The following C14orf39 variants were observed in gnomAD, a reference collection of about 807,000 sequenced individuals.
C14orf39 encodes the protein protein SIX6OS1.
In C14orf39, 66 loss-of-function variants were observed where a neutral mutation model predicts 85.6. That is an observed-to-expected ratio of 0.77 (90% confidence interval 0.63 to 0.95). C14orf39 has a LOEUF of 0.95. Among genes scored for constraint, C14orf39 ranks in the 40% least tolerant of loss-of-function variants. C14orf39 has a pLI of 0.00. For synonymous variants in C14orf39, 242 were observed against 214.0 expected (o/e 1.13, Z -1.14); for missense variants, 735 against 663.9 (o/e 1.11, Z -1.18).
At chr14:60,470,592 T>C (rs1373673777) in intron 7 of C14orf39, among the ~76,000 whole-genome samples, 1 of 151,930 alleles carries the variant, frequency 6.6e-6, no homozygotes, top group Non-Finnish European at 1.5e-5. Context: ...ACCCTTGCTA[T>C]ACCAGCGTCT....
At chr14:60,495,030 CT>C in intron 2 of C14orf39, 1 of 187,988 alleles carries the variant, frequency 5.3e-6, no homozygotes, top group Non-Finnish European at 1.1e-5. Context: ...TGGTAAATTT[CT>C]TTTGACTGAT....
At chr14:60,506,621 T>C (rs1893207370) in intron 1 of C14orf39, among the ~76,000 whole-genome samples, 1 of 152,142 alleles carries the variant, frequency 6.6e-6, no homozygotes, top group African/African-American at 2.4e-5. Flanking sequence ...GTTAATAAAA[T>C]TAAATCAAGT....
chr14:60,476,768 A>G (rs1056103866), intron 5 of C14orf39, among the ~76,000 whole-genome samples: 2 of 152,186 alleles, frequency 1.3e-5, no homozygotes, highest in African/African-American at 4.8e-5. Flanking sequence ...GGGGGAGGTC[A>G]CTGAAGCACA....
chr14:60,442,041 G>A, intron 17 of C14orf39, 33 bp downstream of exon 17: 2 of 1,519,532 alleles, frequency 1.3e-6, no homozygotes, highest in Non-Finnish European at 1.8e-6. Context: ...GAGTTAACAT[G>A]TTTTTAAAGG....
At chr14:60,476,097 A>G (rs1321144699) in intron 5 of C14orf39, among the ~76,000 whole-genome samples, 1 of 152,204 alleles carries the variant, frequency 6.6e-6, no homozygotes, top group Non-Finnish European at 1.5e-5. Flanking sequence ...TTTAGCAAGG[A>G]AAAGCAGTTG....
At chr14:60,512,488 GT>G (rs1893309747) in intron 1 of C14orf39, 1 of 152,178 alleles carries the variant, frequency 6.6e-6, no homozygotes, top group African/African-American at 2.4e-5. Context: ...CAAATGAATG[GT>G]TTTTAACAAG....
intron 1 of C14orf39, among the ~76,000 whole-genome samples, chr14:60,505,817 C>T (rs1005960039): frequency 1.3e-5 from 2 of 152,200 alleles, no homozygotes; most frequent in Non-Finnish European, 2.9e-5. Flanking sequence ...GACTTCTAAG[C>T]ACTGCTCTCC....
At position 60,483,791 on chromosome 14, in the gene C14orf39, T is replaced by C. The variant is rs148637760; in HGVS notation, c.133A>G (p.Lys45Glu). ...NKCCEDIKEN[K>E]VTICRIHETI... is the part of the protein sequence containing the mutation. ...TCGTGTATCCTACAAATAGTTACTT[T>C]GTTTTCCTTAATATCTTCACAGCAT... is the stretch of plus-strand genomic sequence containing the variant. The change falls in exon 4 of 18, where the codon AAA (lysine) becomes GAA (glutamate). Residue 45 changes from lysine to glutamate, a missense_variant. Lys to Glu is a moderately conservative substitution (Grantham distance 56). Transcript: ENST00000321731. 4.5e-3 allele frequency: 6,945 copies of C among 1,531,402 alleles called. 36 individuals carry two copies. The highest frequency in any genetic ancestry group is 0.011 in the South Asian group (961 of 86,778). The allele number at this position is 1,531,402 out of a possible 1,614,324, so 94.9% of individuals were successfully genotyped here.
At chr14:60,495,179 G>T in intron 2 of C14orf39, 1 of 196,888 alleles carries the variant, frequency 5.1e-6, no homozygotes, top group Non-Finnish European at 1.1e-5. Flanking sequence ...TGCATTTTGA[G>T]GGATTTATAG....
intron 1 of C14orf39, among the ~76,000 whole-genome samples, chr14:60,507,217 G>A (rs1423225046): frequency 1.3e-5 from 2 of 152,110 alleles, no homozygotes. Flanking sequence ...GCAAACTGGA[G>A]CAAGGGGGTG....
chr14:60,443,386 G>C (rs866300617), intron 16 of C14orf39, among the ~76,000 whole-genome samples: 4 of 152,172 alleles, frequency 2.6e-5, no homozygotes, highest in African/African-American at 9.7e-5. Context: ...TGCCTGGCTC[G>C]GTGAGTGCCA....
chr14:60,451,629 T>C (rs1379520146), intron 16 of C14orf39, among the ~76,000 whole-genome samples: 4 of 144,874 alleles, frequency 2.8e-5, no homozygotes, highest in South Asian at 2.2e-4. Context: ...TAGGTGGGAA[T>C]TGAACAATGA....
At chr14:60,475,091 C>G (rs1206669068) in intron 5 of C14orf39, among the ~76,000 whole-genome samples, 1 of 152,068 alleles carries the variant, frequency 6.6e-6, no homozygotes, top group Non-Finnish European at 1.5e-5. Context: ...TGTTATTGGT[C>G]TATTCAGAGA....
intron 17 of C14orf39, among the ~76,000 whole-genome samples, chr14:60,437,611 G>A (rs760849916): frequency 1.3e-4 from 19 of 151,976 alleles, no homozygotes; most frequent in Non-Finnish European, 2.1e-4. Flanking sequence ...GGCTGGAACA[G>A]GAGAGTCTAG....
At chr14:60,500,219 G>T (rs1012254184) in intron 1 of C14orf39, among the ~76,000 whole-genome samples, 1 of 152,052 alleles carries the variant, frequency 6.6e-6, no homozygotes, top group African/African-American at 2.4e-5. Flanking sequence ...TAGAGATGGG[G>T]TTTTACCATG....
chr14:60,451,208 T>C (rs1423755962), intron 16 of C14orf39, among the ~76,000 whole-genome samples: 1 of 152,026 alleles, frequency 6.6e-6, no homozygotes, highest in Non-Finnish European at 1.5e-5. Context: ...GGAGAGGATG[T>C]GGAGAAATAG....
upstream of C14orf39, among the ~76,000 whole-genome samples, chr14:60,487,843 T>G (rs1223207327): frequency 1.3e-5 from 2 of 152,226 alleles, no homozygotes; most frequent in African/African-American, 4.8e-5. Context: ...TATTGTGGTT[T>G]TGATTTGCAT....
intron 4 of C14orf39, among the ~76,000 whole-genome samples, chr14:60,480,518 G>T (rs1892588342): frequency 2.6e-5 from 4 of 152,190 alleles, no homozygotes; most frequent in Admixed American, 2.0e-4. Context: ...GTGTAAACTA[G>T]TACAGCTACT....
At chr14:60,497,179 T>C (rs1158639209) in intron 2 of C14orf39, among the ~76,000 whole-genome samples, 1 of 152,232 alleles carries the variant, frequency 6.6e-6, no homozygotes, top group African/African-American at 2.4e-5. Context: ...CCTGGAATGC[T>C]CTATCCTTCT....
Sources: allele counts gnomAD v4.1 joint callset (sites outside exome capture counted in the v4.1 genomes callset), GRCh38; gene constraint gnomAD v4.1.1; transcripts MANE v1.5; gene names NCBI Gene and HGNC (gene_info 2026-07-23, HGNC 2026-07-21).